ANKRD27: variants seen among roughly 807,000 people sequenced by gnomAD.
ANKRD27 encodes ankyrin repeat domain 27.
A neutral mutation model predicts 129.7 loss-of-function variants in ANKRD27; 112 were observed. The ratio of observed to expected loss-of-function variants is 0.86; its 90% CI spans 0.74 to 1.01. ANKRD27 has a LOEUF of 1.01. Among genes scored for constraint, ANKRD27 ranks in the 50% least tolerant of loss-of-function variants. The pLI, the probability that ANKRD27 is intolerant of heterozygous loss-of-function variation, is 0.00. For missense variants in ANKRD27, 1,258 were observed against 1,300.5 expected, an observed-to-expected ratio of 0.97 and a Z score of 0.50; for synonymous variants, 516 against 511.2, an observed-to-expected ratio of 1.01 and a Z score of -0.13.
At position 32,649,790 on chromosome 19, in the gene ANKRD27, G is replaced by A; in HGVS notation, c.105C>T (p.Val35=). 1.2e-6 allele frequency: 2 copies of A among 1,610,016 alleles called. No individual in the cohort carries two copies. The highest frequency in any genetic ancestry group is 4.5e-5 in the East Asian group (2 of 44,854). The change falls in exon 3 of 29, where the codon GTC becomes GTT. Residue 35 remains valine (V), a splice_region_variant and synonymous_variant. Transcript: ENST00000306065. ...ACAGGCTTCCTTTGCAGGGTACTAA[G>A]ACCTGGAAAAAACAATTCGGGGCAA... The part of the protein sequence containing the change: ...CSKVAQIHGI[V]LVPCKGSLSS...
At chr19:32,614,694 AAAATAAATAAAT>A (rs985710975) in intron 22 of ANKRD27, among the ~76,000 whole-genome samples, 2 of 152,118 alleles carry the variant, frequency 1.3e-5, no homozygotes, top group Non-Finnish European at 2.9e-5. Context: ...AAAAAATAAA[AAAATAAATAAAT>A]AAAAAGAACA....
intron 2 of ANKRD27, among the ~76,000 whole-genome samples, chr19:32,653,727 C>A (rs866923712): frequency 4.9e-4 from 9 of 18,222 alleles, no homozygotes; most frequent in Non-Finnish European, 8.4e-4. Context: ...CGAGGCGTGG[C>A]GTGGCGGGGG....
intron 2 of ANKRD27, among the ~76,000 whole-genome samples, chr19:32,654,466 C>T (rs1328265016): frequency 6.6e-6 from 1 of 152,204 alleles, no homozygotes; most frequent in Non-Finnish European, 1.5e-5. Context: ...TGGAGACCAT[C>T]GAGATATTCG....
chr19:32,609,897 C>T (rs1377241941), intron 22 of ANKRD27, among the ~76,000 whole-genome samples: 1 of 151,788 alleles, frequency 6.6e-6, no homozygotes, highest in African/African-American at 2.4e-5. Flanking sequence ...CACTGGAGAC[C>T]GGGTGTGGTG....
At chr19:32,623,796 C>T (rs8100917) in intron 17 of ANKRD27, among the ~76,000 whole-genome samples, 84,486 of 151,620 alleles carry the variant, frequency 0.56, 24,193 homozygotes, top group Non-Finnish European at 0.64. Flanking sequence ...GGCAATTTGC[C>T]GGCCTTGGTC....
In ANKRD27 at chr19:32,643,169, G is replaced by T. The variant is rs201923016; in HGVS notation, c.736C>A (p.Leu246Ile). 67 of 1,613,826 alleles carry T rather than the reference G, an allele frequency of 4.2e-5. No individual in the cohort carries two copies. The highest frequency in any genetic ancestry group is 5.5e-5 in the Non-Finnish European group (65 of 1,180,024). Residue 246 changes from leucine (L) to isoleucine (I), a missense_variant, in exon 9 of 29, where the codon CTT (leucine) becomes ATT (isoleucine). Physicochemically the swap from Leu to Ile is conservative, Grantham distance 5 (BLOSUM62 2). Coordinates refer to ENST00000306065, the MANE Select transcript of ANKRD27 (RefSeq NM_032139.3). ...DAAFNKITRS[L>I]QDLQQKDIGV... ...ATATCTTTCTGCTGAAGATCTTGAA[G>T]GCTTCTTGTGATTTTGTTAAAGGCC...
intron 22 of ANKRD27, among the ~76,000 whole-genome samples, chr19:32,614,985 A>G (rs537849297): frequency 1.1e-4 from 16 of 152,312 alleles, no homozygotes; most frequent in Middle Eastern, 6.8e-3. Context: ...AGTCCCCATG[A>G]AGAGTGAACT....
chr19:32,629,004 T>C (rs936172247), intron 13 of ANKRD27, among the ~76,000 whole-genome samples, 155 bp from the exon 14 acceptor site: 22 of 152,150 alleles, frequency 1.4e-4, no homozygotes, highest in African/African-American at 5.1e-4. Context: ...CACTGCAACC[T>C]CTGCCTCCCG....
At chr19:32,657,003 T>A (rs1353602934) in intron 2 of ANKRD27, among the ~76,000 whole-genome samples, 2 of 152,102 alleles carry the variant, frequency 1.3e-5, no homozygotes, top group Non-Finnish European at 2.9e-5. Context: ...AAATCTAAAG[T>A]AAGAAGATTG....
intron 18 of ANKRD27, among the ~76,000 whole-genome samples, chr19:32,621,561 GA>G (rs1972010393): frequency 6.6e-6 from 1 of 152,144 alleles, no homozygotes. Context: ...CTAGGAAGTG[GA>G]GGTTGCAGTG....
At chr19:32,599,944 C>G in intron 27 of ANKRD27, 28 bp downstream of exon 27, 1 of 1,596,084 alleles carries the variant, frequency 6.3e-7, no homozygotes, top group Non-Finnish European at 8.6e-7. Flanking sequence ...GGCAAAAGCA[C>G]AGAAATCAAC....
chr19:32,605,603 T>A (rs1326553544), intron 24 of ANKRD27, among the ~76,000 whole-genome samples: 18 of 152,154 alleles, frequency 1.2e-4, no homozygotes, highest in Admixed American at 1.2e-3. Context: ...CCCAAACCCT[T>A]GGCAAAAGCA....
chr19:32,621,224 G>A (rs1017693378), intron 18 of ANKRD27, among the ~76,000 whole-genome samples: 2 of 152,208 alleles, frequency 1.3e-5, no homozygotes, highest in African/African-American at 4.8e-5. Flanking sequence ...GCTCATGCCT[G>A]TAATGCCAGC....
At chr19:32,601,192 G>A (rs749232781) in intron 26 of ANKRD27, among the ~76,000 whole-genome samples, 3 of 152,122 alleles carry the variant, frequency 2.0e-5, no homozygotes, top group Middle Eastern at 3.4e-3. Context: ...CTAGCTACTC[G>A]GGAGGCTGAG....
intron 1 of ANKRD27, among the ~76,000 whole-genome samples, chr19:32,660,072 C>A (rs1433215839): frequency 6.6e-6 from 1 of 152,144 alleles, no homozygotes; most frequent in African/African-American, 2.4e-5. Flanking sequence ...CCAGCCTGGA[C>A]AATATAGCAA....
At chr19:32,603,205 C>T (rs962743960) in intron 25 of ANKRD27, among the ~76,000 whole-genome samples, 3 of 151,796 alleles carry the variant, frequency 2.0e-5, no homozygotes, top group South Asian at 2.1e-4. Context: ...GGCTGAGGCA[C>T]GAGAATCGCT....
In ANKRD27 at chr19:32,654,667, C is replaced by CA. The variant is rs1555746879; in HGVS notation, c.102+4246_102+4247insT. Among the ~76,000 whole-genome samples the CA allele has an allele frequency of 6.4e-5, 9 of 140,172 alleles. No individual in the cohort carries two copies. The South Asian group carries it at 6.9e-4, about 11-fold the overall frequency. The allele number at this position is 140,172 out of a possible 152,430, so 92.0% of individuals were successfully genotyped here. On this transcript the variant is annotated intron_variant, in intron 2 of 28. Transcript: ENST00000306065. ...TGCTGGCCTCCCTGATTCTTTTTTT[C>CA]TTTTTTTTTAGAGATGGTGTCTCAC...
chr19:32,670,918 G>A (rs454856), intron 1 of ANKRD27, among the ~76,000 whole-genome samples: 81,809 of 151,412 alleles, frequency 0.54, 23,340 homozygotes, highest in Non-Finnish European at 0.65. Flanking sequence ...CCTGGGAAGT[G>A]GAGGTTGCAG....
At chr19:32,641,974 A>G in intron 10 of ANKRD27, 50 bp downstream of exon 10, 1 of 1,500,890 alleles carries the variant, frequency 6.7e-7, no homozygotes, top group South Asian at 1.3e-5. Flanking sequence ...TTGCTTTTTC[A>G]TCTGGATGTA....
Sources: gnomAD v4.1 joint callset for allele counts (sites outside exome capture counted in the v4.1 genomes callset) on GRCh38, gnomAD v4.1.1 for gene constraint, MANE v1.5 for transcripts, NCBI Gene and HGNC (gene_info 2026-07-23, HGNC 2026-07-21) for gene names.